Variants in SOS1 observed in about 807,000 individuals in gnomAD.
The protein encoded by SOS1 is SOS Ras/Rac guanine nucleotide exchange factor 1, also known as son of sevenless homolog 1.
A neutral mutation model predicts 157.6 loss-of-function variants in SOS1; 25 were observed. That is an observed-to-expected ratio of 0.16 (90% CI 0.12 to 0.22). The LOEUF (loss-of-function observed/expected upper bound fraction) is 0.22. SOS1 is among the 10% of genes least tolerant of loss of function. SOS1 has a pLI of 1.00. For missense variants in SOS1, 1,237 were observed against 1,599.1 expected (o/e 0.77, Z 3.86); for synonymous variants, 528 against 534.0 (o/e 0.99, Z 0.16).
intron 17 of SOS1, among the ~76,000 whole-genome samples, chr2:39,004,155 C>CAT (rs1415344402): frequency 2.4e-3 from 359 of 152,186 alleles, no homozygotes; most frequent in African/African-American, 8.2e-3. Flanking sequence ...GTGGCTCAAG[C>CAT]CTGTAATCCC....
chr2:39,086,658 G>T (rs953911523), intron 1 of SOS1, among the ~76,000 whole-genome samples: 1 of 152,168 alleles, frequency 6.6e-6, no homozygotes, highest in Non-Finnish European at 1.5e-5. Context: ...AGGAAAATTA[G>T]TGTAAAACAG....
chr2:39,042,091 G>C (rs1427883918), intron 6 of SOS1, among the ~76,000 whole-genome samples: 5 of 152,010 alleles, frequency 3.3e-5, no homozygotes, highest in African/African-American at 1.2e-4. Context: ...ACCTGCACCA[G>C]TACTACACTC....
In SOS1 at chr2:39,012,278, A is replaced by G. The variant is rs75877625; in HGVS notation, c.2238T>C (p.Asn746=). The change falls in exon 14 of 23, where the codon AAT becomes AAC. Residue 746 remains asparagine, a synonymous_variant. Coordinates refer to ENST00000402219, the MANE Select transcript of SOS1 (RefSeq NM_005633.4). ...GAAATGTAATATTATGACCTGGTCCATTGTCTCTTGCAATTTTTTTCCTTT... is the reference window on the plus strand; with the variant it reads ...GAAATGTAATATTATGACCTGGTCCGTTGTCTCTTGCAATTTTTTTCCTTT... ...IIQRKKIARD[N]GPGHNITFQS... The G allele has an allele frequency of 1.5e-4, 243 of 1,613,458 alleles. No homozygotes were observed. In the African/African-American group the frequency reaches 2.6e-3, roughly 18 times the overall value.
chr2:39,044,474 T>G (rs1002866075), intron 6 of SOS1, among the ~76,000 whole-genome samples: 3 of 152,220 alleles, frequency 2.0e-5, no homozygotes, highest in Non-Finnish European at 2.9e-5. Context: ...TCATTCATTT[T>G]TAATTATTCC....
At chr2:39,000,474 G>A (rs536837942) in intron 17 of SOS1, among the ~76,000 whole-genome samples, 100 of 151,766 alleles carry the variant, frequency 6.6e-4, no homozygotes, top group Non-Finnish European at 8.2e-4. Context: ...AGTTACTCCT[G>A]TACTTCAATA....
intron 6 of SOS1, among the ~76,000 whole-genome samples, chr2:39,037,579 T>G (rs1670403087): frequency 6.6e-6 from 1 of 152,010 alleles, no homozygotes; most frequent in African/African-American, 2.4e-5. Context: ...CACTTCACTT[T>G]ATGGTGCTTC....
chr2:39,069,224 A>G (rs1333126242), intron 1 of SOS1, among the ~76,000 whole-genome samples: 93 of 104,844 alleles, frequency 8.9e-4, no homozygotes, highest in African/African-American at 3.2e-3. Flanking sequence ...AAAAAAAAAA[A>G]GCCCAGTAGG....
chr2:39,075,720 A>G (rs1671947178), intron 1 of SOS1, among the ~76,000 whole-genome samples: 1 of 151,994 alleles, frequency 6.6e-6, no homozygotes, highest in Non-Finnish European at 1.5e-5. Context: ...AAAATTGCTA[A>G]AAGATCAAGA....
chr2:39,079,775 G>C (rs2148166723), intron 1 of SOS1, among the ~76,000 whole-genome samples: 1 of 152,264 alleles, frequency 6.6e-6, no homozygotes, highest in Non-Finnish European at 1.5e-5. Flanking sequence ...TTACAGGCAT[G>C]AGCCACTGTG....
chr2:39,009,842 G>T (rs10439459), intron 15 of SOS1, among the ~76,000 whole-genome samples: 141,706 of 152,232 alleles, frequency 0.93, 66,076 homozygotes, highest in African/African-American at 0.97. Context: ...AAGATGTGTA[G>T]GGTAAACTGT....
chr2:39,077,127 G>C (rs1003441122), intron 1 of SOS1, among the ~76,000 whole-genome samples: 1 of 152,100 alleles, frequency 6.6e-6, no homozygotes, highest in African/African-American at 2.4e-5. Context: ...TGGATCACTT[G>C]AGGTCAGGCG....
chr2:39,073,181 T>C (rs1671846268), intron 1 of SOS1, among the ~76,000 whole-genome samples: 1 of 152,248 alleles, frequency 6.6e-6, no homozygotes, highest in Non-Finnish European at 1.5e-5. Context: ...TAGGTTACCC[T>C]GTCAAATCTT....
chr2:38,985,673 G>T lies in SOS1; in HGVS notation c.*151C>A, dbSNP rs1027688901. On this transcript the variant is annotated 3_prime_UTR_variant, in exon 23 of 23. Coordinates refer to ENST00000402219, the MANE Select transcript of SOS1 (RefSeq NM_005633.4). Reference sequence around the variant, plus strand: ...ATTTCCATTGTATAATTACATCTAGGTTAAAATTCATTGTCTTATACTGCA... The same window carrying T: ...ATTTCCATTGTATAATTACATCTAGTTTAAAATTCATTGTCTTATACTGCA... The T allele has an allele frequency of 4.4e-5, 40 of 911,966 alleles. No homozygotes were observed. In the African/African-American group the frequency reaches 5.7e-4, roughly 13 times the overall value. The allele number at this position is 911,966 out of a possible 1,614,324, so 56.5% of individuals were successfully genotyped here.
intron 6 of SOS1, among the ~76,000 whole-genome samples, chr2:39,035,889 C>T (rs189444498): frequency 6.6e-6 from 1 of 152,188 alleles, no homozygotes; most frequent in Admixed American, 6.5e-5. Flanking sequence ...TGAAGCCAGA[C>T]ATGTTTTTAT....
At chr2:39,120,218 G>C in intron 1 of SOS1, 118 bp downstream of exon 1, 2 of 902,492 alleles carry the variant, frequency 2.2e-6, no homozygotes, top group Non-Finnish European at 3.1e-6. Flanking sequence ...CGTCCTTTTG[G>C]AGACGCGGCG....
At chr2:39,006,946 AAAAATTAAAG>A (rs1383687159) in intron 16 of SOS1, 75 bp downstream of exon 16, 75 of 913,666 alleles carry the variant, frequency 8.2e-5, no homozygotes, top group Admixed American at 4.1e-4. Context: ...TGAGACATTT[AAAAATTAAAG>A]ATAATAATTG....
At chr2:39,042,540 A>G (rs1368212180) in intron 6 of SOS1, among the ~76,000 whole-genome samples, 1 of 151,750 alleles carries the variant, frequency 6.6e-6, no homozygotes, top group Non-Finnish European at 1.5e-5. Flanking sequence ...AATAGCTGAG[A>G]TCACAGATGC....
chr2:39,066,757 T>C (rs1558497507), intron 2 of SOS1, among the ~76,000 whole-genome samples: 1 of 152,168 alleles, frequency 6.6e-6, no homozygotes, highest in African/African-American at 2.4e-5. Flanking sequence ...CTCTCTCAAT[T>C]GGTGGGAAAT....
At chr2:39,124,662 A>G (rs1674012460), upstream of SOS1, among the ~76,000 whole-genome samples, 1 of 152,202 alleles carries the variant, frequency 6.6e-6, no homozygotes, top group South Asian at 2.1e-4. Flanking sequence ...CCAGCTACTT[A>G]CTTTTCTGTT....
Sources: gnomAD v4.1 joint callset for allele counts (sites outside exome capture counted in the v4.1 genomes callset) on GRCh38, gnomAD v4.1.1 for gene constraint, MANE v1.5 for transcripts, NCBI Gene and HGNC (gene_info 2026-07-23, HGNC 2026-07-21) for gene names.